Variants in CSMD1 observed in about 807,000 individuals in gnomAD.
The protein encoded by CSMD1 is CUB and Sushi multiple domains 1, also known as CUB and sushi domain-containing protein 1.
In CSMD1, 213 loss-of-function variants were observed where a neutral mutation model predicts 417.5. The observed-to-expected ratio is 0.51, with a 90% CI of 0.46 to 0.57. The LOEUF (loss-of-function observed/expected upper bound fraction) is 0.57. Ranked by LOEUF, CSMD1 falls within the 20% of genes least tolerant of loss-of-function variation. The pLI, the probability that CSMD1 is intolerant of heterozygous loss-of-function variation, is 0.00. For synonymous variants in CSMD1, 2,862 were observed against 1,736.8 expected (o/e 1.65, Z -16.11); for missense variants, 6,923 against 4,529.7 (o/e 1.53, Z -15.17).
At chr8:4,197,513 C>G (rs913908599) in intron 3 of CSMD1, among the ~76,000 whole-genome samples, 6 of 152,182 alleles carry the variant, frequency 3.9e-5, no homozygotes, top group Admixed American at 6.5e-5. Flanking sequence ...TCAAGTAAGA[C>G]AGAGTTCCCT....
At chr8:4,780,952 C>T (rs1456927796) in intron 1 of CSMD1, among the ~76,000 whole-genome samples, 1 of 152,198 alleles carries the variant, frequency 6.6e-6, no homozygotes, top group Non-Finnish European at 1.5e-5. Context: ...AAGGCTCAAG[C>T]AATGACCTGT....
chr8:4,175,109 GAAT>G (rs1797971287), intron 3 of CSMD1, among the ~76,000 whole-genome samples: 1 of 151,884 alleles, frequency 6.6e-6, no homozygotes, highest in Admixed American at 6.6e-5. Context: ...TTTCTGCCAA[GAAT>G]AATAATATCT....
chr8:4,585,329 C>T (rs1799644184), intron 2 of CSMD1, among the ~76,000 whole-genome samples: 3 of 151,920 alleles, frequency 2.0e-5, no homozygotes, highest in Admixed American at 2.0e-4. Flanking sequence ...GCAGATTAGG[C>T]AAAGTTGAAA....
intron 33 of CSMD1, 96 bp from the exon 34 acceptor site, chr8:3,190,211 G>T: frequency 1.1e-5 from 9 of 794,828 alleles, no homozygotes; most frequent in East Asian, 5.9e-5. Flanking sequence ...AAGGAGAGCT[G>T]ATGCAGACAG....
At chr8:3,882,136 C>T (rs988509742) in intron 5 of CSMD1, among the ~76,000 whole-genome samples, 1 of 151,936 alleles carries the variant, frequency 6.6e-6, no homozygotes, top group Non-Finnish European at 1.5e-5. Flanking sequence ...AAAATCATCA[C>T]AATTGGCTCC....
chr8:3,501,711 A>G (rs1269220112), intron 10 of CSMD1, among the ~76,000 whole-genome samples: 1 of 152,206 alleles, frequency 6.6e-6, no homozygotes, highest in Non-Finnish European at 1.5e-5. Flanking sequence ...CATGATAACA[A>G]GTTTATGTCT....
chr8:4,120,004 G>C (rs542703427), intron 3 of CSMD1, among the ~76,000 whole-genome samples: 20 of 152,210 alleles, frequency 1.3e-4, no homozygotes, highest in Non-Finnish European at 2.5e-4. Context: ...TAGCACAATA[G>C]GGTGACGGCA....
intron 9 of CSMD1, among the ~76,000 whole-genome samples, chr8:3,580,519 G>A (rs972194579): frequency 2.6e-5 from 4 of 152,182 alleles, no homozygotes; most frequent in African/African-American, 9.7e-5. Flanking sequence ...GTTCTTTGAT[G>A]TCAATAGAGT....
intron 2 of CSMD1, among the ~76,000 whole-genome samples, chr8:4,592,195 C>G (rs1007290777): frequency 6.6e-6 from 1 of 150,696 alleles, no homozygotes; most frequent in African/African-American, 2.4e-5. Context: ...ATTTCATGCT[C>G]CCAACAAGAA....
chr8:4,764,623 A>G (rs1812321597), intron 1 of CSMD1, among the ~76,000 whole-genome samples: 1 of 151,830 alleles, frequency 6.6e-6, no homozygotes. Context: ...ATTTTTGTCT[A>G]CTGGATTTAG....
At chr8:4,205,643 C>T (rs919858334) in intron 3 of CSMD1, among the ~76,000 whole-genome samples, 1 of 152,010 alleles carries the variant, frequency 6.6e-6, no homozygotes, top group Admixed American at 6.5e-5. Context: ...GTGAGAAAGC[C>T]TCTCATTGTA....
chr8:4,139,021 T>C lies in CSMD1; in HGVS notation c.416-106922A>G, dbSNP rs564417451. On this transcript the variant is annotated intron_variant, in intron 3 of 69. Transcript: ENST00000635120. ...TACGGCCACATGCAGAAAGGACATA[T>C]GCTGCATGTTTCAGCACCTGAGACA... is the stretch of plus-strand genomic sequence containing the variant. Among the ~76,000 whole-genome samples the C allele has an allele frequency of 1.0e-4, 8 of 78,184 alleles. No individual in the cohort carries two copies. In the East Asian group the frequency reaches 1.8e-3, roughly 18 times the overall value. 51.3% of individuals were successfully genotyped at this position (78,184 alleles called of 152,430 possible).
chr8:4,569,242 G>A (rs1471173620), intron 2 of CSMD1, among the ~76,000 whole-genome samples: 1 of 152,158 alleles, frequency 6.6e-6, no homozygotes, highest in African/African-American at 2.4e-5. Context: ...GAATGGTATT[G>A]CCTAGGTTTT....
intron 12 of CSMD1, among the ~76,000 whole-genome samples, chr8:3,433,296 T>A (rs1232127867): frequency 6.6e-6 from 1 of 152,212 alleles, no homozygotes; most frequent in Non-Finnish European, 1.5e-5. Flanking sequence ...ACCATATAGC[T>A]TTATTTTGAT....
intron 49 of CSMD1, 97 bp from the exon 50 acceptor site, chr8:3,052,744 T>A (rs1451580522): frequency 1.2e-6 from 1 of 841,936 alleles, no homozygotes; most frequent in Non-Finnish European, 1.7e-6. Context: ...TTGACTCCAT[T>A]TTTCATTAAA....
intron 11 of CSMD1, among the ~76,000 whole-genome samples, chr8:3,487,655 T>A (rs916394164): frequency 6.6e-6 from 1 of 152,188 alleles, no homozygotes. Context: ...AATAATGGAA[T>A]TGCCAGATAG....
intron 2 of CSMD1, among the ~76,000 whole-genome samples, chr8:4,427,640 T>C (rs569768788): frequency 2.2e-4 from 33 of 152,288 alleles, no homozygotes; most frequent in Admixed American, 1.9e-3. Context: ...ATAATTACAT[T>C]ATTTTTATAC....
chr8:3,346,600 C>T (rs758656329), intron 22 of CSMD1, among the ~76,000 whole-genome samples: 14 of 152,168 alleles, frequency 9.2e-5, no homozygotes, highest in Non-Finnish European at 1.5e-4. Flanking sequence ...CAGGCAAACG[C>T]GGCCTTAGGA....
At chr8:4,165,126 A>G (rs916331029) in intron 3 of CSMD1, among the ~76,000 whole-genome samples, 8 of 152,298 alleles carry the variant, frequency 5.3e-5, no homozygotes, top group East Asian at 3.9e-4. Flanking sequence ...TGGTGCATGC[A>G]TGACAGGTAT....
Sources: allele counts gnomAD v4.1 joint callset (sites outside exome capture counted in the v4.1 genomes callset), GRCh38; gene constraint gnomAD v4.1.1; transcripts MANE v1.5; gene names NCBI Gene and HGNC (gene_info 2026-07-23, HGNC 2026-07-21).